The following SYNE1 variants were observed in gnomAD, a reference collection of about 807,000 sequenced individuals.
The protein encoded by SYNE1 is spectrin repeat containing nuclear envelope protein 1.
Under a neutral mutation model 1,111.0 loss-of-function variants are expected in SYNE1, and 616 were observed. The ratio of observed to expected loss-of-function variants is 0.55; its 90% CI spans 0.52 to 0.59. SYNE1 has a LOEUF of 0.59. Ranked by LOEUF, SYNE1 falls within the 20% of genes least tolerant of loss-of-function variation. The pLI is 0.00. For missense variants in SYNE1, 10,006 were observed against 10,417.0 expected, an observed-to-expected ratio of 0.96 and a Z score of 1.72; for synonymous variants, 3,855 against 3,825.8, an observed-to-expected ratio of 1.01 and a Z score of -0.28.
chr6:152,349,146 T>C (rs2096696850), intron 72 of SYNE1, among the ~76,000 whole-genome samples: 1 of 152,240 alleles, frequency 6.6e-6, no homozygotes, highest in East Asian at 1.9e-4. Flanking sequence ...ACATGATGAG[T>C]AAACTTGTTT....
chr6:152,181,637 A>G (rs903333979), intron 128 of SYNE1, among the ~76,000 whole-genome samples: 2 of 152,226 alleles, frequency 1.3e-5, no homozygotes, highest in East Asian at 3.8e-4. Flanking sequence ...GCATGTATCA[A>G]TACTTCATTC....
chr6:152,490,117 C>T (rs1206638010), intron 11 of SYNE1, among the ~76,000 whole-genome samples: 1 of 152,108 alleles, frequency 6.6e-6, no homozygotes, highest in African/African-American at 2.4e-5. Flanking sequence ...AAAGATAATA[C>T]AAACAAAATA....
chr6:152,393,000 G>C (rs3898782), intron 51 of SYNE1, among the ~76,000 whole-genome samples: 1 of 152,242 alleles, frequency 6.6e-6, no homozygotes, highest in African/African-American at 2.4e-5. Flanking sequence ...GTGGCCCCGT[G>C]GAGAACCTGA....
Position 152,598,327 on chromosome 6 carries a change from C to T in SYNE1, c.67+29938G>A, listed in dbSNP as rs1035635927. On this transcript the variant is annotated intron_variant, in intron 3 of 145. Coordinates refer to ENST00000367255, the MANE Select transcript of SYNE1 (RefSeq NM_182961.4). The stretch of plus-strand genomic sequence containing the variant: ...CCTGCTGCCATGTGAGACGTGTCTT[C>T]CACCTTCCACCATTATTGTGAGGCC... Among the ~76,000 whole-genome samples, 5 of 152,122 alleles carry T rather than the reference C, an allele frequency of 3.3e-5. No individual in the cohort carries two copies. The South Asian group carries it at 1.0e-3, about 32-fold the overall frequency.
intron 72 of SYNE1, among the ~76,000 whole-genome samples, chr6:152,349,396 G>A (rs1161583501): frequency 6.6e-6 from 1 of 152,150 alleles, no homozygotes; most frequent in African/African-American, 2.4e-5. Context: ...TTATGAGATG[G>A]GCTGGTATTG....
rs1171762109 is a variant in SYNE1 at position 152,225,762 on chromosome 6, G to A, written c.21310C>T (p.Leu7104=). 4.3e-6 allele frequency: 7 copies of A among 1,614,130 alleles called. No homozygotes were observed. Among genetic ancestry groups the A allele is most frequent in the Non-Finnish European group, 5.9e-6 (7 of 1,180,008 alleles). Residue 7104 remains leucine (L), a synonymous_variant, in exon 116 of 146, where the codon CTG becomes TTG. Transcript: ENST00000367255. ...GCCCAGGTTTGGCCGAGCTCTCGCA[G>A]TGTGCTCATGACAATGCTAGAGACG... The part of the protein sequence containing the change: ...EDVSSIVMST[L]RELGQTWANL...
chr6:152,560,122 G>A (rs1191376773), intron 3 of SYNE1, among the ~76,000 whole-genome samples: 1 of 152,164 alleles, frequency 6.6e-6, no homozygotes, highest in African/African-American at 2.4e-5. Flanking sequence ...GGAGGCCGAG[G>A]TGGGCAGATC....
intron 130 of SYNE1, chr6:152,168,337 C>T (rs1198253031): frequency 1.2e-5 from 7 of 594,742 alleles, no homozygotes; most frequent in South Asian, 4.1e-5. Context: ...AGTCTCTGCC[C>T]GATAACATGA....
At chr6:152,318,646 C>T (rs1054895176) in intron 85 of SYNE1, among the ~76,000 whole-genome samples, 2 of 152,224 alleles carry the variant, frequency 1.3e-5, no homozygotes, top group African/African-American at 2.4e-5. Context: ...TTCGTACACA[C>T]TCATGCATGT....
At chr6:152,584,114 T>G (rs904400734) in intron 3 of SYNE1, among the ~76,000 whole-genome samples, 1 of 152,200 alleles carries the variant, frequency 6.6e-6, no homozygotes, top group African/African-American at 2.4e-5. Context: ...ATGACACTTG[T>G]GCCTCGATAC....
At chr6:152,201,679 T>C (rs1391833496) in intron 127 of SYNE1, 145 bp downstream of exon 127, 2 of 1,141,824 alleles carry the variant, frequency 1.8e-6, no homozygotes, top group Non-Finnish European at 2.6e-6. Context: ...CATACAAGTT[T>C]CACCTGAGTT....
chr6:152,573,555 T>C (rs181567190), intron 3 of SYNE1, among the ~76,000 whole-genome samples: 363 of 152,186 alleles, frequency 2.4e-3, no homozygotes, highest in African/African-American at 7.9e-3. Context: ...AACTCTTCTT[T>C]CCTCAGATGA....
At chr6:152,536,432 TA>T (rs1385393573) in intron 4 of SYNE1, among the ~76,000 whole-genome samples, 1 of 136,508 alleles carries the variant, frequency 7.3e-6, no homozygotes, top group East Asian at 2.0e-4. Flanking sequence ...TTTATATATA[TA>T]ACTATATATA....
chr6:152,611,229 G>C (rs2099630410), intron 3 of SYNE1, among the ~76,000 whole-genome samples: 1 of 152,142 alleles, frequency 6.6e-6, no homozygotes, highest in Non-Finnish European at 1.5e-5. Context: ...AGACCCATCA[G>C]TGTGCTGTAT....
chr6:152,168,163 C>T (rs778687961), intron 130 of SYNE1: 6 of 775,872 alleles, frequency 7.7e-6, no homozygotes. Flanking sequence ...CACAGCTGTC[C>T]TCTGCCATCC....
At chr6:152,516,753 G>T (rs899893199) in intron 6 of SYNE1, among the ~76,000 whole-genome samples, 5 of 151,974 alleles carry the variant, frequency 3.3e-5, no homozygotes, top group African/African-American at 1.2e-4. Flanking sequence ...TAATTTGTTT[G>T]TTTGTTTGTT....
Position 152,143,754 on chromosome 6 carries a change from C to T in SYNE1, c.24988G>A (p.Ala8330Thr). The change falls in exon 138 of 146, where the codon GCC (alanine) becomes ACC (threonine). Residue 8330 changes from alanine to threonine, a missense_variant. Physicochemically the swap from Ala to Thr is moderately conservative, Grantham distance 58. This residue lies in a region of SYNE1 where 761 missense variants were observed against 795.5 expected (regional missense o/e 0.96). Transcript: ENST00000367255. ...GAVGLSGDHS[A>T]LESQIRQLGK... ...AGTTGTCGGATCTGTGACTCTAGGGCACTGTGGTCCCCTGCGGTGGCAACC... is the reference window on the plus strand; with the variant it reads ...AGTTGTCGGATCTGTGACTCTAGGGTACTGTGGTCCCCTGCGGTGGCAACC... 18 of 1,614,182 alleles carry T rather than the reference C, an allele frequency of 1.1e-5. No homozygotes were observed. The highest frequency in any genetic ancestry group is 1.5e-5 in the Non-Finnish European group (18 of 1,180,046).
intron 55 of SYNE1, among the ~76,000 whole-genome samples, chr6:152,384,594 G>C (rs2097491101): frequency 1.3e-5 from 2 of 152,136 alleles, no homozygotes; most frequent in African/African-American, 4.8e-5. Context: ...GATCTTCAGG[G>C]ACCGGGCACC....
At chr6:152,525,837 A>T (rs1205525580) in intron 5 of SYNE1, among the ~76,000 whole-genome samples, 2 of 152,174 alleles carry the variant, frequency 1.3e-5, no homozygotes, top group Admixed American at 6.6e-5. Context: ...CTTTACTCTT[A>T]ATTGTAAGGT....
Sources: allele counts gnomAD v4.1 joint callset (sites outside exome capture counted in the v4.1 genomes callset), GRCh38; gene constraint gnomAD v4.1.1; regional missense constraint gnomAD v4.1.1; transcripts MANE v1.5; gene names NCBI Gene and HGNC (gene_info 2026-07-23, HGNC 2026-07-21).